PXDNL: variants seen among roughly 807,000 people sequenced by gnomAD.
PXDNL encodes the protein probable oxidoreductase PXDNL.
PXDNL carries 145 observed loss-of-function variants against 150.8 expected under a neutral mutation model. That is an observed-to-expected ratio of 0.96 (90% CI 0.84 to 1.10). The LOEUF (loss-of-function observed/expected upper bound fraction) is 1.10. Ranked by LOEUF, PXDNL falls within the 50% of genes least tolerant of loss-of-function variation. PXDNL has a pLI of 0.00. For missense variants in PXDNL, 2,087 were observed against 1,873.9 expected (o/e 1.11, Z -2.10); for synonymous variants, 757 against 725.7 (o/e 1.04, Z -0.69).
intron 19 of PXDNL, among the ~76,000 whole-genome samples, chr8:51,349,769 C>T (rs750506556): frequency 3.9e-5 from 6 of 152,270 alleles, no homozygotes; most frequent in Non-Finnish European, 7.3e-5. Context: ...TGTCTTTCCA[C>T]GAATTGATCA....
At chr8:51,697,881 T>C (rs751257863) in intron 1 of PXDNL, among the ~76,000 whole-genome samples, 4 of 152,228 alleles carry the variant, frequency 2.6e-5, no homozygotes, top group Non-Finnish European at 4.4e-5. Flanking sequence ...AAAGCAAGTA[T>C]CACAATAAAA....
chr8:51,440,072 C>T (rs1809505957), intron 12 of PXDNL, among the ~76,000 whole-genome samples: 1 of 151,786 alleles, frequency 6.6e-6, no homozygotes, highest in Non-Finnish European at 1.5e-5. Flanking sequence ...CACACACACA[C>T]ACACACCATG....
At chr8:51,341,247 G>T (rs1374414377) in intron 20 of PXDNL, among the ~76,000 whole-genome samples, 2 of 152,108 alleles carry the variant, frequency 1.3e-5, no homozygotes, top group African/African-American at 4.8e-5. Flanking sequence ...GTATTTATAG[G>T]CAACAATACT....
At chr8:51,532,197 C>T (rs1035295562) in intron 4 of PXDNL, among the ~76,000 whole-genome samples, 3 of 152,152 alleles carry the variant, frequency 2.0e-5, no homozygotes, top group African/African-American at 4.8e-5. Flanking sequence ...TTATACTTAC[C>T]ACTTGAGAAT....
chr8:51,361,304 TA>T (rs1211678392), intron 19 of PXDNL, among the ~76,000 whole-genome samples: 1 of 152,156 alleles, frequency 6.6e-6, no homozygotes, highest in Non-Finnish European at 1.5e-5. Context: ...CAGAAACTGA[TA>T]ATAAATGGAA....
chr8:51,466,202 C>A (rs912643950), intron 8 of PXDNL, among the ~76,000 whole-genome samples: 2 of 151,980 alleles, frequency 1.3e-5, no homozygotes, highest in African/African-American at 4.8e-5. Flanking sequence ...AAAACAGAAA[C>A]ATAGACAAAC....
chr8:51,568,923 T>C (rs1812876494), intron 3 of PXDNL, among the ~76,000 whole-genome samples: 1 of 151,896 alleles, frequency 6.6e-6, no homozygotes, highest in African/African-American at 2.4e-5. Context: ...TGCTACAGTG[T>C]TTTTATTTCT....
chr8:51,535,163 C>G (rs1395100279), intron 4 of PXDNL, among the ~76,000 whole-genome samples: 1 of 137,130 alleles, frequency 7.3e-6, no homozygotes, highest in Non-Finnish European at 1.5e-5. Flanking sequence ...CCCGGCCGCC[C>G]CTACTGGGAA....
At chr8:51,583,662 G>A (rs1198262104) in intron 3 of PXDNL, among the ~76,000 whole-genome samples, 2 of 151,896 alleles carry the variant, frequency 1.3e-5, no homozygotes, top group African/African-American at 2.4e-5. Flanking sequence ...TGCTCACCAC[G>A]ACATAACTAG....
At chr8:51,731,847 A>G (rs1816939959) in intron 1 of PXDNL, among the ~76,000 whole-genome samples, 1 of 152,212 alleles carries the variant, frequency 6.6e-6, no homozygotes, top group African/African-American at 2.4e-5. Context: ...GCTGGGACAC[A>G]GGGCATCAAG....
At chr8:51,673,662 A>AG (rs1227353095) in intron 1 of PXDNL, among the ~76,000 whole-genome samples, 1 of 152,206 alleles carries the variant, frequency 6.6e-6, no homozygotes, top group Non-Finnish European at 1.5e-5. Flanking sequence ...ATCAATTAAC[A>AG]GATGTTTTTA....
rs140793197 is a variant in PXDNL at position 51,728,540 on chromosome 8, C to T, written c.165-73780G>A. On this transcript the variant is annotated intron_variant, in intron 1 of 22. Coordinates refer to ENST00000356297, the MANE Select transcript of PXDNL (RefSeq NM_144651.5). ...GATCCTGATCCTGTGCAGGCCTAGGCGAATGTGTGTGTTTGTGTCTTCATT... is the reference window on the plus strand; with the variant it reads ...GATCCTGATCCTGTGCAGGCCTAGGTGAATGTGTGTGTTTGTGTCTTCATT... 1.6e-4 allele frequency among the ~76,000 whole-genome samples: 24 copies of T among 150,500 alleles called. 1 individual carries two copies. Among genetic ancestry groups the T allele is most frequent in the East Asian group, 3.9e-4 (2 of 5,126 alleles).
chr8:51,472,396 A>G, intron 7 of PXDNL, 92 bp from the exon 8 acceptor site: 2 of 895,170 alleles, frequency 2.2e-6, no homozygotes, highest in South Asian at 3.2e-5. Flanking sequence ...ATTTAAATTT[A>G]TTTCTACATT....
chr8:51,398,853 C>G (rs1808165378), intron 17 of PXDNL, among the ~76,000 whole-genome samples: 2 of 152,046 alleles, frequency 1.3e-5, no homozygotes, highest in South Asian at 4.1e-4. Context: ...GACATTAAAG[C>G]CACTATTATA....
intron 4 of PXDNL, among the ~76,000 whole-genome samples, chr8:51,513,943 C>G (rs112144048): frequency 6.6e-6 from 1 of 152,200 alleles, no homozygotes; most frequent in Non-Finnish European, 1.5e-5. Flanking sequence ...TTAACCAAAC[C>G]TGACCATAAA....
intron 4 of PXDNL, among the ~76,000 whole-genome samples, chr8:51,505,271 T>G (rs1174978383): frequency 6.6e-6 from 1 of 152,172 alleles, no homozygotes; most frequent in Non-Finnish European, 1.5e-5. Context: ...AGCAAGAACA[T>G]GTGGTCAGAG....
intron 11 of PXDNL, among the ~76,000 whole-genome samples, chr8:51,448,126 G>A (rs1809720214): frequency 6.6e-6 from 1 of 152,182 alleles, no homozygotes; most frequent in Non-Finnish European, 1.5e-5. Flanking sequence ...TTTCGTACCT[G>A]AACTAATATG....
chr8:51,457,628 C>G lies in PXDNL; in HGVS notation c.852G>C (p.Val284=). ...LDLEDDTRLN[V]FDDGTLMIRN... ...GGATCATGAGTGTGCCATCATCAAA[C>G]ACATTAAGTCGAGTATCATCTTCCA... The change falls in exon 9 of 23, where the codon GTG becomes GTC. Residue 284 remains valine, a synonymous_variant. Transcript: ENST00000356297. 6.2e-7 allele frequency: 1 copy of G among 1,613,756 alleles called. No homozygotes were observed. Among genetic ancestry groups the G allele is most frequent in the Non-Finnish European group, 8.5e-7 (1 of 1,179,798 alleles).
intron 2 of PXDNL, among the ~76,000 whole-genome samples, chr8:51,629,344 T>C (rs923596114): frequency 1.3e-5 from 2 of 152,114 alleles, no homozygotes; most frequent in Admixed American, 1.3e-4. Context: ...CTCTGGAAGA[T>C]AGGTCAACTG....
Sources: allele counts gnomAD v4.1 joint callset (sites outside exome capture counted in the v4.1 genomes callset), GRCh38; gene constraint gnomAD v4.1.1; transcripts MANE v1.5; gene names NCBI Gene and HGNC (gene_info 2026-07-23, HGNC 2026-07-21).